GRID2: variants seen among roughly 807,000 people sequenced by gnomAD.
The protein encoded by GRID2 is glutamate ionotropic receptor delta type subunit 2.
A neutral mutation model predicts 114.8 loss-of-function variants in GRID2; 33 were observed. The ratio of observed to expected loss-of-function variants is 0.29; its 90% CI spans 0.22 to 0.38. The LOEUF (loss-of-function observed/expected upper bound fraction) is 0.38, where lower values mean the gene tolerates loss of function less well. GRID2 is among the 10% of genes least tolerant of loss of function. The pLI is 1.00. For missense variants in GRID2, 1,184 were observed against 1,257.7 expected, an observed-to-expected ratio of 0.94 and a Z score of 0.89; for synonymous variants, 505 against 449.9, an observed-to-expected ratio of 1.12 and a Z score of -1.55.
At chr4:92,914,078 T>C (rs1175850263) in intron 2 of GRID2, among the ~76,000 whole-genome samples, 1 of 152,116 alleles carries the variant, frequency 6.6e-6, no homozygotes, top group African/African-American at 2.4e-5. Context: ...AAAACAACAA[T>C]GAATTAACAT....
intron 2 of GRID2, among the ~76,000 whole-genome samples, chr4:92,876,330 G>T (rs998068354): frequency 2.0e-5 from 3 of 149,278 alleles, no homozygotes; most frequent in Non-Finnish European, 4.4e-5. Flanking sequence ...ATGGAGTCTC[G>T]CTCTGTCGCC....
chr4:93,663,355 C>G (rs1422306589), intron 14 of GRID2, among the ~76,000 whole-genome samples: 1 of 152,108 alleles, frequency 6.6e-6, no homozygotes, highest in Non-Finnish European at 1.5e-5. Context: ...TAATGTGTCC[C>G]CCAAAACCAT....
chr4:92,633,180 ATGTT>A (rs78953989), intron 2 of GRID2, among the ~76,000 whole-genome samples: 7,157 of 152,224 alleles, frequency 0.047, 208 homozygotes, highest in East Asian at 0.094. Flanking sequence ...GTGCTAATGT[ATGTT>A]CAATTTTTCA....
chr4:93,731,776 C>A (rs993028032), intron 14 of GRID2, among the ~76,000 whole-genome samples: 2 of 152,156 alleles, frequency 1.3e-5, no homozygotes, highest in Non-Finnish European at 2.9e-5. Context: ...AAAGACTAGA[C>A]ACTTTCCACC....
In GRID2 at chr4:93,216,823, A is replaced by G. The variant is rs1473638872; in HGVS notation, c.875A>G (p.Gln292Arg). 7 of 1,612,864 alleles carry G rather than the reference A, an allele frequency of 4.3e-6. No individual in the cohort carries two copies. The Admixed American group carries it at 1.0e-4, about 23-fold the overall frequency. Residue 292 changes from glutamine to arginine, a missense_variant, in exon 6 of 16, where the codon CAG (glutamine) becomes CGG (arginine). This residue lies in a region of GRID2 where 455 missense variants were observed against 429.5 expected (regional missense o/e 1.06). Transcript: ENST00000282020. ...TIIRQTFPVPQNISQRCFRGN... is the reference protein window; with the variant it reads ...TIIRQTFPVPRNISQRCFRGN... ...ATTCGGCAGACATTTCCAGTTCCCC[A>G]GAACATAAGTCAGCGGTGTTTCCGT...
chr4:93,551,977 C>G lies in GRID2; in HGVS notation c.2193+36566C>G, dbSNP rs560477742. Among the ~76,000 whole-genome samples, 232 of 151,316 alleles carry G rather than the reference C, an allele frequency of 1.5e-3. 1 individual carries two copies. The highest frequency in any genetic ancestry group is 5.2e-3 in the African/African-American group (216 of 41,168). On this transcript the variant is annotated intron_variant, in intron 13 of 15. Transcript: ENST00000282020. ...CATGTGCCATGTTGGTGTGCTGCAC[C>G]CATTAACTCTTCATTTAACATTAGG...
chr4:93,212,774 G>GTT lies in GRID2; in HGVS notation c.790-3955_790-3954dup, dbSNP rs11384425. The stretch of plus-strand genomic sequence containing the variant: ...AAAGTTGTTGGTTTGGTTTTTTGTT[G>GTT]TTTTTTTTTTCTTTTTTGACAGAGT... On this transcript the variant is annotated intron_variant, in intron 5 of 15. Coordinates refer to ENST00000282020, the MANE Select transcript of GRID2 (RefSeq NM_001510.4). 1.2e-3 allele frequency among the ~76,000 whole-genome samples: 181 copies of GTT among 148,444 alleles called. 1 individual carries two copies. The highest frequency in any genetic ancestry group is 2.7e-3 in the African/African-American group (111 of 40,430).
At chr4:92,781,243 C>G (rs1739059301) in intron 2 of GRID2, among the ~76,000 whole-genome samples, 1 of 151,880 alleles carries the variant, frequency 6.6e-6, no homozygotes, top group Admixed American at 6.6e-5. Flanking sequence ...AAGACTCCCT[C>G]TCAAAAAAAC....
chr4:92,447,034 C>G lies in GRID2; in HGVS notation c.88+142290C>G, dbSNP rs564600809. On this transcript the variant is annotated intron_variant, in intron 1 of 15. Coordinates refer to ENST00000282020, the MANE Select transcript of GRID2 (RefSeq NM_001510.4). ...TAAATTAGATTACCTTACTCAGAATCCTATGATTCTATGTATTTTTATCCT... is the reference window on the plus strand; with the variant it reads ...TAAATTAGATTACCTTACTCAGAATGCTATGATTCTATGTATTTTTATCCT... 7.3e-4 allele frequency among the ~76,000 whole-genome samples: 111 copies of G among 152,222 alleles called. 1 individual carries two copies. The South Asian group carries it at 0.022, about 30-fold the overall frequency.
chr4:93,572,372 G>T (rs1289674972), intron 13 of GRID2, among the ~76,000 whole-genome samples: 1 of 152,186 alleles, frequency 6.6e-6, no homozygotes, highest in East Asian at 1.9e-4. Flanking sequence ...TGCACGATAT[G>T]CTTTGAGTTC....
intron 8 of GRID2, among the ~76,000 whole-genome samples, chr4:93,358,444 A>G (rs761924410): frequency 2.6e-5 from 4 of 151,924 alleles, no homozygotes; most frequent in Admixed American, 6.6e-5. Flanking sequence ...ACCAAAGAGA[A>G]CATAGCATAT....
intron 1 of GRID2, among the ~76,000 whole-genome samples, chr4:92,421,189 T>G (rs1731891010): frequency 6.6e-6 from 1 of 152,088 alleles, no homozygotes; most frequent in Admixed American, 6.6e-5. Context: ...ATCATGGTTA[T>G]TTAAATTATT....
chr4:92,816,840 G>A (rs1301261657), intron 2 of GRID2, among the ~76,000 whole-genome samples: 1 of 152,044 alleles, frequency 6.6e-6, no homozygotes, highest in East Asian at 1.9e-4. Flanking sequence ...GAAAATTGAG[G>A]AGAAATAACT....
intron 2 of GRID2, among the ~76,000 whole-genome samples, chr4:92,907,536 C>T (rs1275317482): frequency 2.0e-5 from 3 of 152,104 alleles, no homozygotes; most frequent in Admixed American, 6.5e-5. Context: ...CTCAGTCCCC[C>T]GAGTAGCTGG....
At chr4:92,408,724 A>C (rs913789526) in intron 1 of GRID2, among the ~76,000 whole-genome samples, 1 of 151,356 alleles carries the variant, frequency 6.6e-6, no homozygotes, top group African/African-American at 2.4e-5. Flanking sequence ...TAGGTATTTC[A>C]TTTTGTTTGT....
chr4:92,872,235 A>G (rs1305361342), intron 2 of GRID2, among the ~76,000 whole-genome samples: 2 of 152,204 alleles, frequency 1.3e-5, no homozygotes, highest in Admixed American at 6.5e-5. Context: ...ATTAATATCA[A>G]TTTATGAACA....
At chr4:92,771,368 T>C (rs1160729800) in intron 2 of GRID2, among the ~76,000 whole-genome samples, 1 of 152,232 alleles carries the variant, frequency 6.6e-6, no homozygotes, top group African/African-American at 2.4e-5. Context: ...ATATTTCTTT[T>C]TCACATGTGA....
At chr4:92,683,557 G>A (rs1029279280) in intron 2 of GRID2, among the ~76,000 whole-genome samples, 1 of 151,642 alleles carries the variant, frequency 6.6e-6, no homozygotes, top group Non-Finnish European at 1.5e-5. Flanking sequence ...TAAAAAGAAG[G>A]AAAATGAGGA....
At chr4:92,712,470 G>T (rs1735304407) in intron 2 of GRID2, among the ~76,000 whole-genome samples, 1 of 152,058 alleles carries the variant, frequency 6.6e-6, no homozygotes, top group Non-Finnish European at 1.5e-5. Flanking sequence ...ACTCCAAGTT[G>T]CTATTTATTA....
Sources: allele counts gnomAD v4.1 joint callset (sites outside exome capture counted in the v4.1 genomes callset), GRCh38; gene constraint gnomAD v4.1.1; regional missense constraint gnomAD v4.1.1; transcripts MANE v1.5; gene names NCBI Gene and HGNC (gene_info 2026-07-23, HGNC 2026-07-21).